The following LARP4B variants were observed in gnomAD, a reference collection of about 807,000 sequenced individuals.
LARP4B encodes La ribonucleoprotein 4B.
A neutral mutation model predicts 89.8 loss-of-function variants in LARP4B; 12 were observed. That is an observed-to-expected ratio of 0.13 (90% CI 0.09 to 0.22). The LOEUF (loss-of-function observed/expected upper bound fraction) is 0.22, where lower values mean the gene tolerates loss of function less well. LARP4B is among the 10% of genes least tolerant of loss of function. The pLI, the probability that LARP4B is intolerant of heterozygous loss-of-function variation, is 1.00. For missense variants in LARP4B, 757 were observed against 947.7 expected (o/e 0.80, Z 2.64); for synonymous variants, 367 against 363.3 (o/e 1.01, Z -0.12).
chr10:859,007 C>T (rs975579677), intron 5 of LARP4B, among the ~76,000 whole-genome samples: 1 of 152,162 alleles, frequency 6.6e-6, no homozygotes, highest in African/African-American at 2.4e-5. Context: ...CAAAAGTTAG[C>T]TGGGTGTGGT....
Position 862,256 on chromosome 10 carries a change from T to TAAAAAAA in LARP4B, c.430+1480_430+1486dup, listed in dbSNP as rs10661482. ...TTAAAGCAATAAGCTCCACTGAAGTTAAAAAAAAAAAAAAAAAAAAAAAAA... is the reference window on the plus strand; with the variant it reads ...TTAAAGCAATAAGCTCCACTGAAGTTAAAAAAAAAAAAAAAAAAAAAAAAAAAAAAAA... On this transcript the variant is annotated intron_variant, in intron 5 of 17. Coordinates refer to ENST00000316157, the MANE Select transcript of LARP4B (RefSeq NM_015155.3). Among the ~76,000 whole-genome samples, 99 of 84,374 alleles carry TAAAAAAA rather than the reference T, an allele frequency of 1.2e-3. 3 individuals are homozygous for TAAAAAAA. The highest frequency in any genetic ancestry group is 3.8e-3 in the African/African-American group (73 of 19,318). The allele number at this position is 84,374 out of a possible 152,430, so 55.4% of individuals were successfully genotyped here.
At chr10:840,141 T>C (rs895761438) in intron 7 of LARP4B, among the ~76,000 whole-genome samples, 1 of 152,176 alleles carries the variant, frequency 6.6e-6, no homozygotes, top group Non-Finnish European at 1.5e-5. Flanking sequence ...GGGGGTGGGC[T>C]GTGATGGCTG....
At chr10:815,202 C>CT in intron 15 of LARP4B, 132 bp from the exon 16 acceptor site, 2 of 1,096,414 alleles carry the variant, frequency 1.8e-6, no homozygotes, top group Non-Finnish European at 2.5e-6. Flanking sequence ...GGGTCTTCTC[C>CT]AGCAAAAATG....
At chr10:833,249 T>TAAAAAAAAAAA (rs56788542) in intron 8 of LARP4B, among the ~76,000 whole-genome samples, 14 of 52,038 alleles carry the variant, frequency 2.7e-4, no homozygotes, top group East Asian at 1.2e-3. Context: ...TGATGAGCTT[T>TAAAAAAAAAAA]AAAAAAAAAA....
intron 5 of LARP4B, among the ~76,000 whole-genome samples, chr10:854,862 T>A (rs1184189333): frequency 6.6e-6 from 1 of 152,218 alleles, no homozygotes; most frequent in African/African-American, 2.4e-5. Context: ...CTAGATAACA[T>A]TTCCTTCTAA....
At chr10:966,790 T>C in the LARP4B span, among the ~76,000 whole-genome samples, 1 of 151,930 alleles carries the variant, frequency 6.6e-6, no homozygotes, top group Non-Finnish European at 1.5e-5. Flanking sequence ...CAGAGAGAGG[T>C]AGGTTTCTCC....
intron 1 of LARP4B, among the ~76,000 whole-genome samples, chr10:923,158 C>T (rs1197439123): frequency 1.3e-5 from 2 of 151,990 alleles, no homozygotes; most frequent in African/African-American, 4.8e-5. Flanking sequence ...ACTCAAGAAA[C>T]ACTAAATGCC....
At chr10:819,364 T>C (rs1359901747) in intron 14 of LARP4B, 1 of 152,270 alleles carries the variant, frequency 6.6e-6, no homozygotes, top group African/African-American at 2.4e-5. Flanking sequence ...TGGAAGGCAG[T>C]GTTAAAATCC....
upstream of LARP4B, among the ~76,000 whole-genome samples, chr10:932,700 G>A (rs1374356929): frequency 1.1e-5 from 1 of 93,612 alleles, no homozygotes; most frequent in African/African-American, 4.3e-5. Context: ...CGCCCCACCA[G>A]GGACCCAGGC....
At position 822,643 on chromosome 10, in the gene LARP4B, G is replaced by A. The variant is rs192588480; in HGVS notation, c.1485-1798C>T. ...AGCCAAGGCTCAGTGACAGGGCCAT[G>A]GTGGGTTACAGCTCACAAGGGGTAG... On this transcript the variant is annotated intron_variant, in intron 13 of 17. Coordinates refer to ENST00000316157, the MANE Select transcript of LARP4B (RefSeq NM_015155.3). The surrounding 1 kb of genome is among the most constrained non-coding windows in gnomAD (Gnocchi z 4.6). 3.9e-5 allele frequency among the ~76,000 whole-genome samples: 6 copies of A among 152,350 alleles called. No homozygotes were observed. In the East Asian group the frequency reaches 5.8e-4, roughly 15 times the overall value.
At chr10:838,656 G>A (rs1199114450) in intron 7 of LARP4B, among the ~76,000 whole-genome samples, 1 of 152,198 alleles carries the variant, frequency 6.6e-6, no homozygotes. Context: ...CCCATTCACT[G>A]CCGATGGGAA....
At chr10:866,821 T>G (rs1173508464) in intron 3 of LARP4B, among the ~76,000 whole-genome samples, 3 of 152,220 alleles carry the variant, frequency 2.0e-5, no homozygotes, top group African/African-American at 7.2e-5. Flanking sequence ...AAATACATTT[T>G]GTGGTTTATT....
chr10:860,886 A>G (rs11253473), intron 5 of LARP4B, among the ~76,000 whole-genome samples: 25,354 of 152,138 alleles, frequency 0.17, 2,291 homozygotes, highest in Non-Finnish European at 0.19. Flanking sequence ...GCCGGGCATG[A>G]AGGCTTACAC....
chr10:837,228 G>C (rs1450961092), intron 7 of LARP4B, among the ~76,000 whole-genome samples: 1 of 152,220 alleles, frequency 6.6e-6, no homozygotes, highest in Admixed American at 6.5e-5. Context: ...AAGGTAACTG[G>C]TGCATGACTG....
chr10:908,718 GCT>G (rs1836569322), intron 1 of LARP4B, among the ~76,000 whole-genome samples: 1 of 152,202 alleles, frequency 6.6e-6, no homozygotes, highest in Non-Finnish European at 1.5e-5. Context: ...GAGAAAAACC[GCT>G]TTTTCTTCAG....
Position 835,178 on chromosome 10 carries a change from T to C in LARP4B, c.750+1225A>G, listed in dbSNP as rs146574384. 8.0e-3 allele frequency among the ~76,000 whole-genome samples: 1,219 copies of C among 152,264 alleles called. 18 individuals carry two copies. Among genetic ancestry groups the C allele is most frequent in the African/African-American group, 0.028 (1,152 of 41,540 alleles). On this transcript the variant is annotated intron_variant, in intron 8 of 17. Transcript: ENST00000316157. ...ATAGAACTAGTAAAGACAGGCTAAG[T>C]GGAACAGAAGGTAAAACTTGCTAGA...
chr10:940,445 C>T, the LARP4B span, among the ~76,000 whole-genome samples: 369 of 152,364 alleles, frequency 2.4e-3, 3 homozygotes, highest in African/African-American at 8.2e-3. Flanking sequence ...TGAGCCATCA[C>T]GCCCAGCTAA....
At chr10:909,870 T>G (rs940750160) in intron 1 of LARP4B, among the ~76,000 whole-genome samples, 2 of 152,088 alleles carry the variant, frequency 1.3e-5, no homozygotes, top group African/African-American at 4.8e-5. Flanking sequence ...ACCTAAGACA[T>G]AGCAGTACCA....
intron 3 of LARP4B, among the ~76,000 whole-genome samples, chr10:865,743 ATCCTT>A (rs1450820426): frequency 7.9e-5 from 12 of 152,220 alleles, no homozygotes; most frequent in African/African-American, 2.4e-4. Context: ...CAAACACACA[ATCCTT>A]CAACAAACTT....
Sources: allele counts gnomAD v4.1 joint callset (sites outside exome capture counted in the v4.1 genomes callset), GRCh38; gene constraint gnomAD v4.1.1; non-coding constraint Gnocchi (gnomAD v3.1); transcripts MANE v1.5; gene names NCBI Gene and HGNC (gene_info 2026-07-23, HGNC 2026-07-21).